Variants in DPYD observed in about 807,000 individuals in gnomAD.
DPYD encodes dihydropyrimidine dehydrogenase.
DPYD carries 109 observed loss-of-function variants against 116.2 expected under a neutral mutation model. The observed-to-expected ratio is 0.94, with a 90% CI of 0.80 to 1.10. The LOEUF is 1.10. Among genes scored for constraint, DPYD ranks in the 50% least tolerant of loss-of-function variants. DPYD has a pLI of 0.00. For missense variants in DPYD, 1,302 were observed against 1,254.5 expected (o/e 1.04, Z -0.57); for synonymous variants, 440 against 432.0 (o/e 1.02, Z -0.23).
At chr1:97,359,354 G>A (rs1670594538) in intron 16 of DPYD, among the ~76,000 whole-genome samples, 1 of 152,138 alleles carries the variant, frequency 6.6e-6, no homozygotes, top group Admixed American at 6.5e-5. Context: ...GAAAGTGATG[G>A]GGAGAATGGA....
chr1:97,532,654 A>G (rs1255672959), intron 12 of DPYD, among the ~76,000 whole-genome samples: 1 of 151,916 alleles, frequency 6.6e-6, no homozygotes. Context: ...AGGTTGTCAA[A>G]TTTGTTCATA....
chr1:97,529,809 T>C (rs964633453), intron 12 of DPYD, among the ~76,000 whole-genome samples: 1 of 151,428 alleles, frequency 6.6e-6, no homozygotes. Flanking sequence ...TTTTTCTTTC[T>C]TTCCTTTCCT....
chr1:97,465,952 T>C (rs999848199), intron 13 of DPYD, among the ~76,000 whole-genome samples: 2 of 152,204 alleles, frequency 1.3e-5, no homozygotes, highest in Middle Eastern at 3.4e-3. Context: ...TCTACAAAAA[T>C]TAGCTGAGCA....
chr1:97,194,798 C>T (rs1453850390), intron 19 of DPYD, among the ~76,000 whole-genome samples: 1 of 151,996 alleles, frequency 6.6e-6, no homozygotes, highest in East Asian at 1.9e-4. Flanking sequence ...CCACTGTGCC[C>T]GGCCTCAGGT....
Position 97,806,060 on chromosome 1 carries a change from G to C in DPYD, c.233+22054C>G, listed in dbSNP as rs1475388363. On this transcript the variant is annotated intron_variant, in intron 3 of 22. Transcript: ENST00000370192. ...AATAAATGACAGTAATGATACTGAAGAGCTAGATAAATCTACCTATTGCCT... is the reference window on the plus strand; with the variant it reads ...AATAAATGACAGTAATGATACTGAACAGCTAGATAAATCTACCTATTGCCT... Among the ~76,000 whole-genome samples the C allele has an allele frequency of 2.0e-5, 3 of 151,848 alleles. 1 individual carries two copies. The East Asian group carries it at 5.8e-4, about 29-fold the overall frequency.
At chr1:97,920,471 G>A (rs1674450737) in intron 1 of DPYD, among the ~76,000 whole-genome samples, 1 of 152,176 alleles carries the variant, frequency 6.6e-6, no homozygotes, top group Non-Finnish European at 1.5e-5. Flanking sequence ...TATTGGAAAT[G>A]GGGGCAGTGG....
intron 3 of DPYD, among the ~76,000 whole-genome samples, chr1:97,748,705 A>C (rs1280159415): frequency 2.0e-5 from 3 of 152,226 alleles, no homozygotes; most frequent in Non-Finnish European, 2.9e-5. Flanking sequence ...CGCGTTTAAG[A>C]AACATTTCTC....
chr1:97,765,174 CTT>C (rs1665781680), intron 3 of DPYD, among the ~76,000 whole-genome samples: 1 of 152,154 alleles, frequency 6.6e-6, no homozygotes, highest in African/African-American at 2.4e-5. Context: ...CGCCTTCACT[CTT>C]GAGTTTTACT....
At chr1:97,911,390 T>G (rs1673927445) in intron 1 of DPYD, among the ~76,000 whole-genome samples, 1 of 152,248 alleles carries the variant, frequency 6.6e-6, no homozygotes, top group South Asian at 2.1e-4. Flanking sequence ...AGACAGAGCC[T>G]TAAGCATACC....
chr1:97,682,963 G>A (rs896748920), intron 7 of DPYD, among the ~76,000 whole-genome samples: 29 of 152,070 alleles, frequency 1.9e-4, no homozygotes, highest in African/African-American at 6.5e-4. Flanking sequence ...TAGTCTCTTA[G>A]GGATTTGATG....
chr1:97,781,573 A>G (rs1348116755), intron 3 of DPYD, among the ~76,000 whole-genome samples: 1 of 152,202 alleles, frequency 6.6e-6, no homozygotes, highest in Non-Finnish European at 1.5e-5. Context: ...TCTGAAACAA[A>G]ATGATTTATA....
intron 1 of DPYD, among the ~76,000 whole-genome samples, chr1:97,905,558 T>A (rs1673571168): frequency 6.6e-6 from 1 of 152,042 alleles, no homozygotes. Flanking sequence ...GATTCTGTCC[T>A]GTCAGCTGCC....
chr1:97,490,453 G>A (rs914747955), intron 13 of DPYD, among the ~76,000 whole-genome samples: 10 of 139,950 alleles, frequency 7.1e-5, no homozygotes, highest in East Asian at 2.0e-4. Flanking sequence ...ATTATATAAC[G>A]TACTAATTAT....
At chr1:97,899,756 T>C (rs1673270120) in intron 1 of DPYD, among the ~76,000 whole-genome samples, 1 of 151,930 alleles carries the variant, frequency 6.6e-6, no homozygotes, top group African/African-American at 2.4e-5. Flanking sequence ...CTTAGGTAAA[T>C]GTATTAGAGA....
chr1:97,732,483 A>G (rs552837292), intron 4 of DPYD, among the ~76,000 whole-genome samples: 1 of 151,904 alleles, frequency 6.6e-6, no homozygotes, highest in South Asian at 2.1e-4. Flanking sequence ...CAAAAAAAAA[A>G]AAAAAAAAGT....
At chr1:97,557,314 T>TC (rs1463789951) in intron 11 of DPYD, among the ~76,000 whole-genome samples, 1 of 139,528 alleles carries the variant, frequency 7.2e-6, no homozygotes, top group Non-Finnish European at 1.5e-5. Context: ...TTTTCTTTTT[T>TC]TTTTTTTTTT....
At chr1:97,200,209 T>C (rs932048117) in intron 19 of DPYD, among the ~76,000 whole-genome samples, 6 of 152,170 alleles carry the variant, frequency 3.9e-5, no homozygotes. Context: ...TGACCATAAT[T>C]ATCCCTTTTC....
At chr1:97,500,535 G>C (rs970779351) in intron 13 of DPYD, among the ~76,000 whole-genome samples, 6 of 151,858 alleles carry the variant, frequency 4.0e-5, no homozygotes, top group African/African-American at 1.5e-4. Context: ...AGATGCATGG[G>C]ATTATCGTTT....
intron 18 of DPYD, among the ~76,000 whole-genome samples, chr1:97,290,536 T>C (rs567991027): frequency 6.6e-6 from 1 of 152,044 alleles, no homozygotes; most frequent in Non-Finnish European, 1.5e-5. Flanking sequence ...ACACCGCATA[T>C]CTACAACTAT....
Sources: gnomAD v4.1 joint callset for allele counts (sites outside exome capture counted in the v4.1 genomes callset) on GRCh38, gnomAD v4.1.1 for gene constraint, MANE v1.5 for transcripts, NCBI Gene and HGNC (gene_info 2026-07-23, HGNC 2026-07-21) for gene names.